The following GALNT13 variants were observed in gnomAD, a reference collection of about 807,000 sequenced individuals.
The protein encoded by GALNT13 is UDP-GalNAc:polypeptide N-acetylgalactosaminyltransferase 13.
In GALNT13, 28 loss-of-function variants were observed where a neutral mutation model predicts 64.2. That is an observed-to-expected ratio of 0.44 (90% CI 0.32 to 0.60). The LOEUF (loss-of-function observed/expected upper bound fraction) is 0.60. GALNT13 is among the 20% of genes least tolerant of loss of function. The pLI, the probability that GALNT13 is intolerant of heterozygous loss-of-function variation, is 0.05. For missense variants in GALNT13, 577 were observed against 669.8 expected (o/e 0.86, Z 1.53); for synonymous variants, 214 against 224.6 (o/e 0.95, Z 0.42).
the GALNT13 span, among the ~76,000 whole-genome samples, chr2:153,560,778 C>A: frequency 2.2e-4 from 33 of 152,114 alleles, no homozygotes; most frequent in African/African-American, 7.9e-4. Flanking sequence ...TGCTCTTCAG[C>A]CTTTCTCTTG....
the GALNT13 span, among the ~76,000 whole-genome samples, chr2:153,104,140 C>G: frequency 1.3e-5 from 2 of 152,100 alleles, no homozygotes; most frequent in Non-Finnish European, 2.9e-5. Flanking sequence ...TAGGCTCTTA[C>G]AGTTTGAATC....
chr2:153,382,211 T>A, the GALNT13 span, among the ~76,000 whole-genome samples: 1 of 152,112 alleles, frequency 6.6e-6, no homozygotes, highest in Non-Finnish European at 1.5e-5. Flanking sequence ...TTTGTTTTTT[T>A]AATTTTAACT....
At chr2:154,309,580 C>G (rs1005404969) in intron 9 of GALNT13, among the ~76,000 whole-genome samples, 1 of 152,128 alleles carries the variant, frequency 6.6e-6, no homozygotes, top group African/African-American at 2.4e-5. Context: ...AAACAACTCA[C>G]TTTTGAAGTA....
At chr2:153,958,836 C>T (rs1237371584) in intron 3 of GALNT13, among the ~76,000 whole-genome samples, 1 of 152,130 alleles carries the variant, frequency 6.6e-6, no homozygotes, top group Non-Finnish European at 1.5e-5. Flanking sequence ...AAAGGGTAAA[C>T]AGCATTGCCC....
At chr2:154,070,810 G>C (rs554801781) in intron 3 of GALNT13, among the ~76,000 whole-genome samples, 2 of 151,958 alleles carry the variant, frequency 1.3e-5, no homozygotes, top group South Asian at 4.1e-4. Context: ...CCAGCTCCTT[G>C]GGAGGCTGAG....
At chr2:153,553,967 A>AG in the GALNT13 span, among the ~76,000 whole-genome samples, 152,141 of 152,148 alleles carry the variant, frequency 1, 76,067 homozygotes, top group Middle Eastern at 1. Flanking sequence ...CCTGGGGATG[A>AG]GGTTCCCCTG....
chr2:154,283,986 T>A (rs1692112906), intron 8 of GALNT13, among the ~76,000 whole-genome samples: 1 of 152,190 alleles, frequency 6.6e-6, no homozygotes, highest in Non-Finnish European at 1.5e-5. Flanking sequence ...TATTTTTATG[T>A]TTATTTGTAA....
intron 8 of GALNT13, among the ~76,000 whole-genome samples, chr2:154,283,264 T>A (rs1006763869): frequency 1.3e-5 from 2 of 152,156 alleles, no homozygotes; most frequent in Non-Finnish European, 2.9e-5. Flanking sequence ...CAAAATATTT[T>A]GAAAATTAAG....
chr2:153,103,251 T>C, the GALNT13 span, among the ~76,000 whole-genome samples: 3 of 152,002 alleles, frequency 2.0e-5, no homozygotes, highest in Non-Finnish European at 4.4e-5. Flanking sequence ...TCTTGTTCAC[T>C]GTTCCCGCAC....
At chr2:153,217,259 C>T in the GALNT13 span, among the ~76,000 whole-genome samples, 1 of 151,940 alleles carries the variant, frequency 6.6e-6, no homozygotes, top group South Asian at 2.1e-4. Flanking sequence ...CATCTTTTTC[C>T]AAGTGTTTTG....
At chr2:153,596,561 T>C in the GALNT13 span, among the ~76,000 whole-genome samples, 10 of 152,086 alleles carry the variant, frequency 6.6e-5, no homozygotes, top group African/African-American at 1.9e-4. Flanking sequence ...TTTCCTTAGA[T>C]AGGAAAATTA....
chr2:154,039,679 G>A (rs1698868920), intron 3 of GALNT13, among the ~76,000 whole-genome samples: 1 of 139,012 alleles, frequency 7.2e-6, no homozygotes, highest in African/African-American at 2.5e-5. Context: ...TAGATGGGAG[G>A]AAAAAGTTCT....
chr2:154,130,801 C>G (rs1205673059), intron 3 of GALNT13, among the ~76,000 whole-genome samples: 1 of 152,196 alleles, frequency 6.6e-6, no homozygotes, highest in Non-Finnish European at 1.5e-5. Flanking sequence ...ATCCAGCATG[C>G]TGCTCAAAGC....
the GALNT13 span, among the ~76,000 whole-genome samples, chr2:153,247,193 C>T: frequency 3.7e-4 from 56 of 152,262 alleles, no homozygotes; most frequent in Non-Finnish European, 4.6e-4. Context: ...TAGTGGGAAA[C>T]TTTAACACCC....
chr2:154,078,839 C>T lies in GALNT13; in HGVS notation c.143-61498C>T, dbSNP rs529940140. ...AGCCAGATCACTTGTGTTTAAATCC[C>T]AGCATTGCTATGTGGCTTCAAGAAA... is the stretch of plus-strand genomic sequence containing the variant. On this transcript the variant is annotated intron_variant, in intron 3 of 12. Coordinates refer to ENST00000392825, the MANE Select transcript of GALNT13 (RefSeq NM_052917.4). Among the ~76,000 whole-genome samples the T allele has an allele frequency of 2.3e-4, 35 of 151,592 alleles. 1 individual carries two copies. The highest frequency in any genetic ancestry group is 8.4e-4 in the African/African-American group (35 of 41,444).
intron 3 of GALNT13, among the ~76,000 whole-genome samples, chr2:154,098,960 T>C (rs1433661679): frequency 6.6e-6 from 1 of 152,018 alleles, no homozygotes; most frequent in Admixed American, 6.6e-5. Flanking sequence ...CTGAGTCAAA[T>C]GGAAGTTCTC....
intron 3 of GALNT13, among the ~76,000 whole-genome samples, chr2:153,982,635 G>T (rs1326346636): frequency 6.6e-6 from 1 of 151,866 alleles, no homozygotes; most frequent in Non-Finnish European, 1.5e-5. Context: ...GGTAATATAG[G>T]TTCTATTCTA....
chr2:153,960,924 A>C (rs1311017772), intron 3 of GALNT13, among the ~76,000 whole-genome samples: 3 of 152,308 alleles, frequency 2.0e-5, no homozygotes, highest in African/African-American at 7.2e-5. Flanking sequence ...CTGTCATTTA[A>C]AATTTTTACG....
At chr2:153,787,972 C>G in the GALNT13 span, among the ~76,000 whole-genome samples, 2 of 152,102 alleles carry the variant, frequency 1.3e-5, no homozygotes, top group African/African-American at 4.8e-5. Context: ...CATTAGCATC[C>G]CTGAAAGTGA....
Sources: gnomAD v4.1 joint callset for allele counts (sites outside exome capture counted in the v4.1 genomes callset) on GRCh38, gnomAD v4.1.1 for gene constraint, MANE v1.5 for transcripts, NCBI Gene and HGNC (gene_info 2026-07-23, HGNC 2026-07-21) for gene names.